Variants in KLHL32 observed in about 807,000 individuals in gnomAD.
The protein encoded by KLHL32 is kelch like family member 32, also known as kelch-like protein 32.
In KLHL32, 35 loss-of-function variants were observed where a neutral mutation model predicts 64.8. That is an observed-to-expected ratio of 0.54 (90% CI 0.41 to 0.72). The LOEUF (loss-of-function observed/expected upper bound fraction) is 0.72. Among genes scored for constraint, KLHL32 ranks in the 30% least tolerant of loss-of-function variants. The pLI is 0.00. For missense variants in KLHL32, 589 were observed against 768.5 expected, an observed-to-expected ratio of 0.77 and a Z score of 2.76; for synonymous variants, 259 against 281.0, an observed-to-expected ratio of 0.92 and a Z score of 0.78.
upstream of KLHL32, among the ~76,000 whole-genome samples, chr6:96,924,438 G>A (rs1193310702): frequency 6.7e-6 from 1 of 149,028 alleles, no homozygotes; most frequent in Admixed American, 6.7e-5. Flanking sequence ...TTCCGGGACC[G>A]GCGGGCGCGC....
In KLHL32 at chr6:96,976,115, G is replaced by T; in HGVS notation, c.142G>T (p.Ala48Ser). Residue 48 changes from alanine (A) to serine (S), a missense_variant, in exon 3 of 11, where the codon GCT becomes TCT. By Grantham distance (99) the Ala-to-Ser change is moderately conservative. Around this residue, in one of 3 missense-constraint regions of KLHL32, gnomAD observed 191 missense variants for 223.3 expected, o/e 0.86. Transcript: ENST00000369261. ...DGILCDITLI[A>S]EEQKFHAHKA... is the part of the protein sequence containing the mutation. ...CATCCTCTGCGACATCACCCTGATT[G>T]CTGAGGAACAGAAATTCCATGCTCA... 1 of 1,607,798 alleles carries T rather than the reference G, an allele frequency of 6.2e-7. No individual in the cohort carries two copies. Among genetic ancestry groups the T allele is most frequent in the Non-Finnish European group, 8.5e-7 (1 of 1,175,436 alleles).
intron 3 of KLHL32, among the ~76,000 whole-genome samples, chr6:96,979,726 ATTG>A (rs1233919914): frequency 6.6e-6 from 1 of 152,224 alleles, no homozygotes; most frequent in African/African-American, 2.4e-5. Flanking sequence ...TAGGAATAAC[ATTG>A]AATGTGTACA....
intron 4 of KLHL32, among the ~76,000 whole-genome samples, chr6:97,047,209 C>T (rs1263039795): frequency 2.6e-5 from 4 of 152,238 alleles, no homozygotes; most frequent in Non-Finnish European, 5.9e-5. Flanking sequence ...AAAATGCATG[C>T]ATTTCCTATC....
chr6:96,930,985 A>G (rs988550102), intron 1 of KLHL32, among the ~76,000 whole-genome samples: 8 of 152,174 alleles, frequency 5.3e-5, no homozygotes, highest in African/African-American at 1.2e-4. Context: ...CCTGGCGGGT[A>G]CAGACCTCCT....
chr6:96,988,884 C>G (rs942625479), intron 3 of KLHL32, among the ~76,000 whole-genome samples: 2 of 151,764 alleles, frequency 1.3e-5, no homozygotes, highest in Admixed American at 6.6e-5. Flanking sequence ...TGTTCTCACT[C>G]ACAGGTGGGA....
In KLHL32 at chr6:97,057,481, C is replaced by T. The variant is rs1341331703; in HGVS notation, c.313-7147C>T. Among the ~76,000 whole-genome samples the T allele has an allele frequency of 6.7e-5, 6 of 89,158 alleles. 2 individuals are homozygous for T. The Admixed American group carries it at 7.3e-4, about 11-fold the overall frequency. The allele number at this position is 89,158 out of a possible 152,430, so 58.5% of individuals were successfully genotyped here. A position where few individuals can be genotyped will look rare whatever the true frequency, so the allele number is the denominator to read the frequency against. ...ACAGGCGTGAGCCACCGCGCCCGGC[C>T]GAGTATCTTTTTATATGCTTATTTG... is the stretch of plus-strand genomic sequence containing the variant. On this transcript the variant is annotated intron_variant, in intron 4 of 10. Coordinates refer to ENST00000369261, the MANE Select transcript of KLHL32 (RefSeq NM_052904.4).
chr6:97,137,449 C>A (rs1480144740), intron 10 of KLHL32, among the ~76,000 whole-genome samples: 2 of 152,198 alleles, frequency 1.3e-5, no homozygotes, highest in Non-Finnish European at 2.9e-5. Context: ...TATTCTAGGA[C>A]TTCTTAGTAA....
At chr6:96,985,506 T>C (rs2128055851) in intron 3 of KLHL32, among the ~76,000 whole-genome samples, 1 of 152,346 alleles carries the variant, frequency 6.6e-6, no homozygotes, top group East Asian at 1.9e-4. Context: ...CTTTCAAGTA[T>C]ACCAATCAGA....
intron 3 of KLHL32, among the ~76,000 whole-genome samples, chr6:96,986,597 G>C (rs561314219): frequency 8.3e-4 from 127 of 152,342 alleles, no homozygotes; most frequent in African/African-American, 2.9e-3. Flanking sequence ...CAGCCTGGCT[G>C]CTGCCTTGCA....
intron 3 of KLHL32, among the ~76,000 whole-genome samples, chr6:96,977,635 C>T (rs1034435006): frequency 2.0e-5 from 3 of 152,016 alleles, no homozygotes; most frequent in Middle Eastern, 3.2e-3. Context: ...GGCCCATGAG[C>T]AATTTGTTGA....
At chr6:97,118,803 A>G (rs1425841918) in intron 7 of KLHL32, among the ~76,000 whole-genome samples, 2 of 152,052 alleles carry the variant, frequency 1.3e-5, no homozygotes, top group Non-Finnish European at 2.9e-5. Context: ...CTGTTCCGGG[A>G]TAGTGCTGGA....
chr6:96,988,812 G>C (rs1777462346), intron 3 of KLHL32, among the ~76,000 whole-genome samples: 1 of 152,162 alleles, frequency 6.6e-6, no homozygotes, highest in Non-Finnish European at 1.5e-5. Context: ...TAGGGACATG[G>C]ATGAAGATGG....
At chr6:97,018,642 G>A (rs1582728945) in intron 3 of KLHL32, among the ~76,000 whole-genome samples, 1 of 150,638 alleles carries the variant, frequency 6.6e-6, no homozygotes, top group African/African-American at 2.4e-5. Context: ...TATTAATAAA[G>A]AAATGTACCT....
intron 1 of KLHL32, among the ~76,000 whole-genome samples, chr6:96,958,720 G>A (rs73758076): frequency 0.027 from 3,450 of 128,410 alleles, 137 homozygotes; most frequent in African/African-American, 0.098. Context: ...CTCTCAGCAC[G>A]TGGAGCTAGG....
At position 97,130,772 on chromosome 6, in the gene KLHL32, C is replaced by T. The variant is rs1445201475; in HGVS notation, c.1429C>T (p.Arg477Cys). The change falls in exon 9 of 11, where the codon CGT becomes TGT. Residue 477 changes from arginine to cysteine, a missense_variant. Arg to Cys is a radical substitution (Grantham distance 180). Coordinates refer to ENST00000369261, the MANE Select transcript of KLHL32 (RefSeq NM_052904.4). Reference protein sequence around the residue: ...YEPNQNKWISRSPMLQRRVYH... With the variant: ...YEPNQNKWISCSPMLQRRVYH... ...CTTTTTTCAGAATAAGTGGATAAGC[C>T]GTAGCCCCATGCTGCAGAGAAGGGT... 7.4e-6 allele frequency: 12 copies of T among 1,612,970 alleles called. No individual in the cohort carries two copies. Among genetic ancestry groups the T allele is most frequent in the South Asian group, 1.1e-5 (1 of 90,852 alleles).
chr6:97,093,061 G>A (rs1204267280), intron 6 of KLHL32, among the ~76,000 whole-genome samples: 1 of 152,132 alleles, frequency 6.6e-6, no homozygotes, highest in Non-Finnish European at 1.5e-5. Flanking sequence ...TGTGATTCAT[G>A]TTGTTTCCAG....
In KLHL32 at chr6:97,053,102, A is replaced by G. The variant is rs536914832; in HGVS notation, c.312+11503A>G. Among the ~76,000 whole-genome samples the G allele has an allele frequency of 4.6e-5, 7 of 152,070 alleles. No homozygotes were observed. The South Asian group carries it at 8.3e-4, about 18-fold the overall frequency. Reference sequence around the variant, plus strand: ...GATGGATACACACACACACACACACACGCACACACATTCTCTCCTGACCTC... The same window carrying G: ...GATGGATACACACACACACACACACGCGCACACACATTCTCTCCTGACCTC... On this transcript the variant is annotated intron_variant, in intron 4 of 10. Transcript: ENST00000369261.
chr6:97,056,828 C>T (rs1331235955), intron 4 of KLHL32, among the ~76,000 whole-genome samples: 1 of 151,998 alleles, frequency 6.6e-6, no homozygotes, highest in East Asian at 1.9e-4. Context: ...CGTTTGAGCC[C>T]CGGAGCTCGA....
intron 3 of KLHL32, among the ~76,000 whole-genome samples, chr6:97,036,276 A>G (rs1737632): frequency 0.12 from 17,791 of 152,110 alleles, 1,101 homozygotes; most frequent in African/African-American, 0.15. Context: ...TTTATGTATT[A>G]CTTTCCTGAT....
Sources: gnomAD v4.1 joint callset for allele counts (sites outside exome capture counted in the v4.1 genomes callset) on GRCh38, gnomAD v4.1.1 for gene constraint, gnomAD v4.1.1 regional missense constraint, MANE v1.5 for transcripts, NCBI Gene and HGNC (gene_info 2026-07-23, HGNC 2026-07-21) for gene names.